Variants in SPG7 observed in about 807,000 individuals in gnomAD.
SPG7 encodes SPG7 matrix AAA peptidase subunit, paraplegin, also known as mitochondrial inner membrane m-AAA protease component paraplegin.
In SPG7, 103 loss-of-function variants were observed where a neutral mutation model predicts 81.9. The observed-to-expected ratio is 1.26, with a 90% CI of 1.07 to 1.48. SPG7 has a LOEUF of 1.48. SPG7 is among the 40% of genes most tolerant of loss of function. The probability of loss-of-function intolerance (pLI) is 0.00; values close to 1 mark genes in which losing one functional copy is unlikely to be tolerated. For missense variants in SPG7, 1,241 were observed against 1,087.3 expected, an observed-to-expected ratio of 1.14 and a Z score of -1.99; for synonymous variants, 534 against 444.2, an observed-to-expected ratio of 1.20 and a Z score of -2.54.
At position 89,510,503 on chromosome 16, in the gene SPG7, G is replaced by A; in HGVS notation, c.197G>A (p.Arg66Lys). Residue 66 changes from arginine to lysine, a missense_variant, in exon 2 of 17, where the codon AGA becomes AAA. Coordinates refer to ENST00000645818, the MANE Select transcript of SPG7 (RefSeq NM_003119.4). ...TTTTTTTTTCAGAGCTTACAATTGA[G>A]ACTGCTAACCCCTACCTTTGAAGGG... is the stretch of plus-strand genomic sequence containing the variant. ...GGRALQSLQL[R>K]LLTPTFEGIN... 1 of 1,525,314 alleles carries A rather than the reference G, an allele frequency of 6.6e-7. No individual in the cohort carries two copies. Among genetic ancestry groups the A allele is most frequent in the Non-Finnish European group, 9.1e-7 (1 of 1,104,890 alleles). 94.5% of individuals were successfully genotyped at this position (1,525,314 alleles called of 1,614,324 possible).
chr16:89,550,612 G>C lies in SPG7; in HGVS notation c.1779+3G>C, dbSNP rs1298498108. 1 of 1,609,554 alleles carries C rather than the reference G, an allele frequency of 6.2e-7. No individual in the cohort carries two copies. Among genetic ancestry groups the C allele is most frequent in the Non-Finnish European group, 8.5e-7 (1 of 1,176,550 alleles). On this transcript the variant is annotated splice_donor_region_variant and intron_variant, in intron 13 of 16. Coordinates refer to ENST00000645818, the MANE Select transcript of SPG7 (RefSeq NM_003119.4). ...AGCACACGGAGGCCGTGATGAAGGTGGGTCTTGGCAGGTGCCGGCTCCACG... is the reference window on the plus strand; with the variant it reads ...AGCACACGGAGGCCGTGATGAAGGTCGGTCTTGGCAGGTGCCGGCTCCACG...
chr16:89,532,190 G>C, intron 8 of SPG7, 124 bp downstream of exon 8: 2 of 1,134,698 alleles, frequency 1.8e-6, no homozygotes, highest in Non-Finnish European at 2.6e-6. Context: ...GAAGGAAAGC[G>C]AGGTCTGGGT....
intron 12 of SPG7, chr16:89,548,327 C>A: frequency 4.0e-6 from 2 of 505,260 alleles, no homozygotes; most frequent in Admixed American, 3.7e-5. Context: ...GACGCTCGTC[C>A]AACAGAAATA....
intron 1 of SPG7, among the ~76,000 whole-genome samples, chr16:89,509,824 T>G (rs1351162335): frequency 1.4e-5 from 2 of 147,616 alleles, no homozygotes; most frequent in Non-Finnish European, 3.0e-5. Flanking sequence ...AATCTCGCTG[T>G]GTCGCCCAGG....
chr16:89,553,644 A>G (rs2058658984), intron 14 of SPG7, 150 bp from the exon 15 acceptor site: 3 of 701,636 alleles, frequency 4.3e-6, no homozygotes, highest in Middle Eastern at 3.7e-4. Context: ...TGAGGTGCCA[A>G]CGTCCTCACT....
chr16:89,531,799 C>A, intron 7 of SPG7, 105 bp from the exon 8 acceptor site: 1 of 1,120,708 alleles, frequency 8.9e-7, no homozygotes, highest in Non-Finnish European at 1.3e-6. Flanking sequence ...GCTATCATGG[C>A]ACCCACTGCA....
In SPG7 at chr16:89,508,558, G is replaced by A. The variant is rs886052473; in HGVS notation, c.141G>A (p.Arg47=). The change falls in exon 1 of 17, where the codon AGG becomes AGA. Residue 47 remains arginine, a synonymous_variant. Transcript: ENST00000645818. The part of the protein sequence containing the change: ...PGRGRPYMAS[R]PPGDLAEAGG... Reference sequence around the variant, plus strand: ...GGGGGCGGCCGTACATGGCCAGCAGGCCTCCGGGGGACCTCGCCGAGGCTG... The same window carrying A: ...GGGGGCGGCCGTACATGGCCAGCAGACCTCCGGGGGACCTCGCCGAGGCTG... 6.7e-7 allele frequency: 1 copy of A among 1,498,044 alleles called. No individual in the cohort carries two copies. Among genetic ancestry groups the A allele is most frequent in the Non-Finnish European group, 8.9e-7 (1 of 1,129,456 alleles). The allele number at this position is 1,498,044 out of a possible 1,614,324, so 92.8% of individuals were successfully genotyped here. A position where few individuals can be genotyped will look rare whatever the true frequency, so the allele number is the denominator to read the frequency against.
chr16:89,534,197 C>T (rs1403473522), intron 9 of SPG7, among the ~76,000 whole-genome samples: 1 of 152,150 alleles, frequency 6.6e-6, no homozygotes, highest in African/African-American at 2.4e-5. Context: ...AGCCTGTGTC[C>T]CGCTGTCTGT....
chr16:89,512,068 T>G (rs1839906637), intron 2 of SPG7, among the ~76,000 whole-genome samples: 1 of 150,534 alleles, frequency 6.6e-6, no homozygotes. Context: ...CCCGCCACTA[T>G]GCCCGGCTAA....
At chr16:89,509,786 C>CTT (rs34140158) in intron 1 of SPG7, among the ~76,000 whole-genome samples, 663 of 94,876 alleles carry the variant, frequency 7.0e-3, no homozygotes, top group Non-Finnish European at 8.0e-3. Context: ...TTGTTTTCTT[C>CTT]TTTTTTTTTT....
intron 2 of SPG7, among the ~76,000 whole-genome samples, chr16:89,511,005 G>T (rs1464499340): frequency 6.6e-6 from 1 of 152,062 alleles, no homozygotes; most frequent in Non-Finnish European, 1.5e-5. Context: ...GCTAATTTTT[G>T]GGGGGTATTT....
At position 89,544,634 on chromosome 16, in the gene SPG7, C is replaced by T. The variant is rs2058539796; in HGVS notation, c.1325-14C>T. On this transcript the variant is annotated splice_polypyrimidine_tract_variant and intron_variant, in intron 9 of 16. Coordinates refer to ENST00000645818, the MANE Select transcript of SPG7 (RefSeq NM_003119.4). The stretch of plus-strand genomic sequence containing the variant: ...CCCCTACCCTCAGAGCCACTGTCTG[C>T]TCTGTCCCCTCAGGAATGGGTACCA... 3.1e-6 allele frequency: 5 copies of T among 1,613,952 alleles called. No individual in the cohort carries two copies. Among genetic ancestry groups the T allele is most frequent in the Non-Finnish European group, 4.2e-6 (5 of 1,179,878 alleles).
chr16:89,526,568 T>C lies in SPG7; in HGVS notation c.758+100T>C, dbSNP rs2058263015. ...AAAAATCTCAAACTGTCTTTGCCTA[T>C]AGTTAACTAGACTTTTTAGTGGGAG... is the stretch of plus-strand genomic sequence containing the variant. On this transcript the variant is annotated intron_variant, in intron 5 of 16. Coordinates refer to ENST00000645818, the MANE Select transcript of SPG7 (RefSeq NM_003119.4). 3 of 1,333,540 alleles carry C rather than the reference T, an allele frequency of 2.2e-6. No individual in the cohort carries two copies. The African/African-American group carries it at 4.3e-5, about 19-fold the overall frequency. 82.6% of individuals were successfully genotyped at this position (1,333,540 alleles called of 1,614,324 possible).
chr16:89,537,173 A>G (rs1394895268), intron 9 of SPG7: 1 of 1,444,240 alleles, frequency 6.9e-7, no homozygotes, highest in South Asian at 1.5e-5. Flanking sequence ...GGAAGCGCAC[A>G]GGATAGGGCC....
In SPG7 at chr16:89,545,639, G is replaced by GGGGA. The variant is rs2058554523; in HGVS notation, c.1449+867_1449+868insGGGA. ...GGGGACACTGTTTCTCCAGGGGATG[G>GGGGA]CAGCTTCTCCAGGGGACACGGCTTC... is the stretch of plus-strand genomic sequence containing the variant. On this transcript the variant is annotated intron_variant, in intron 10 of 16. Coordinates refer to ENST00000645818, the MANE Select transcript of SPG7 (RefSeq NM_003119.4). 1.2e-5 allele frequency: 3 copies of GGGGA among 243,780 alleles called. No individual in the cohort carries two copies. The East Asian group carries it at 4.9e-4, about 40-fold the overall frequency. The allele number at this position is 243,780 out of a possible 1,614,324, so 15.1% of individuals were successfully genotyped here. A position where few individuals can be genotyped will look rare whatever the true frequency, so the allele number is the denominator to read the frequency against.
At chr16:89,524,390 C>A in intron 4 of SPG7, 143 bp downstream of exon 4, 2 of 941,436 alleles carry the variant, frequency 2.1e-6, no homozygotes, top group Non-Finnish European at 3.2e-6. Flanking sequence ...TGAGGGCATG[C>A]TTCTTTCTCA....
chr16:89,525,934 C>G (rs1357277834), intron 4 of SPG7, among the ~76,000 whole-genome samples: 1 of 152,158 alleles, frequency 6.6e-6, no homozygotes, highest in Non-Finnish European at 1.5e-5. Flanking sequence ...GCAGACATCC[C>G]TCCATTTCTT....
At chr16:89,512,138 C>T (rs1597603337) in intron 2 of SPG7, among the ~76,000 whole-genome samples, 1 of 152,078 alleles carries the variant, frequency 6.6e-6, no homozygotes, top group South Asian at 2.1e-4. Context: ...GTCTCGATCT[C>T]CTGACCTCGT....
At chr16:89,537,351 G>C in intron 9 of SPG7, 2 of 1,163,626 alleles carry the variant, frequency 1.7e-6, no homozygotes, top group Non-Finnish European at 2.1e-6. Flanking sequence ...CCAGGTCCCG[G>C]CTCCTGTGCT....
Sources: gnomAD v4.1 joint callset for allele counts (sites outside exome capture counted in the v4.1 genomes callset) on GRCh38, gnomAD v4.1.1 for gene constraint, MANE v1.5 for transcripts, NCBI Gene and HGNC (gene_info 2026-07-23, HGNC 2026-07-21) for gene names.